Variants in SFMBT2 observed in about 807,000 individuals in gnomAD.
The protein encoded by SFMBT2 is scm-like with four MBT domains protein 2.
Under a neutral mutation model 110.1 loss-of-function variants are expected in SFMBT2, and 38 were observed. The observed-to-expected ratio is 0.35, with a 90% CI of 0.27 to 0.45. The LOEUF is 0.45. Ranked by LOEUF, SFMBT2 falls within the 20% of genes least tolerant of loss-of-function variation. The pLI, the probability that SFMBT2 is intolerant of heterozygous loss-of-function variation, is 1.00. For synonymous variants in SFMBT2, 425 were observed against 425.4 expected, an observed-to-expected ratio of 1.00 and a Z score of 0.01; for missense variants, 1,011 against 1,094.9, an observed-to-expected ratio of 0.92 and a Z score of 1.08.
intron 13 of SFMBT2, 103 bp downstream of exon 13, chr10:7,202,377 T>G: frequency 2.1e-6 from 3 of 1,426,930 alleles, no homozygotes; most frequent in East Asian, 4.6e-5. Flanking sequence ...AGGGTGCTAT[T>G]TGTTAGATAA....
intron 1 of SFMBT2, among the ~76,000 whole-genome samples, chr10:7,407,794 G>A (rs1846258625): frequency 6.6e-6 from 1 of 152,178 alleles, no homozygotes; most frequent in Admixed American, 6.5e-5. Flanking sequence ...CACCACAAAC[G>A]CCATCAACCA....
chr10:7,342,357 G>A (rs536425356), intron 4 of SFMBT2, among the ~76,000 whole-genome samples: 9 of 150,120 alleles, frequency 6.0e-5, no homozygotes, highest in African/African-American at 9.8e-5. Context: ...TAGAAGGGAC[G>A]GAGAGCCTAC....
intron 16 of SFMBT2, among the ~76,000 whole-genome samples, chr10:7,186,116 C>A (rs1838394386): frequency 6.6e-6 from 1 of 152,138 alleles, no homozygotes; most frequent in African/African-American, 2.4e-5. Context: ...GGGGAAAAAT[C>A]ACCCAGAGAC....
At chr10:7,247,369 A>G (rs950133749) in intron 8 of SFMBT2, among the ~76,000 whole-genome samples, 4 of 152,188 alleles carry the variant, frequency 2.6e-5, no homozygotes, top group African/African-American at 7.2e-5. Flanking sequence ...ATCCCACCTC[A>G]GCCTCCCAAA....
chr10:7,343,211 C>T (rs896537619), intron 4 of SFMBT2, among the ~76,000 whole-genome samples: 1 of 151,064 alleles, frequency 6.6e-6, no homozygotes, highest in Non-Finnish European at 1.5e-5. Flanking sequence ...CTGCAAAGGA[C>T]ATGATCTTGC....
At chr10:7,400,831 T>A (rs544720601) in intron 1 of SFMBT2, among the ~76,000 whole-genome samples, 83 of 152,146 alleles carry the variant, frequency 5.5e-4, no homozygotes, top group African/African-American at 1.9e-3. Flanking sequence ...AGAGCAAACA[T>A]CTCAAAAAGC....
chr10:7,319,187 G>C (rs958281091), intron 4 of SFMBT2, among the ~76,000 whole-genome samples: 5 of 152,208 alleles, frequency 3.3e-5, no homozygotes, highest in Non-Finnish European at 5.9e-5. Flanking sequence ...AAGTCCGCTG[G>C]CAAGGAAGTC....
At chr10:7,332,536 TAAC>T (rs1843592337) in intron 4 of SFMBT2, among the ~76,000 whole-genome samples, 2 of 152,218 alleles carry the variant, frequency 1.3e-5, no homozygotes, top group African/African-American at 4.8e-5. Context: ...GCTTGTAAAA[TAAC>T]AAATGTTTGA....
intron 16 of SFMBT2, among the ~76,000 whole-genome samples, chr10:7,177,797 G>A (rs1838118441): frequency 6.6e-6 from 1 of 151,928 alleles, no homozygotes; most frequent in Admixed American, 6.6e-5. Flanking sequence ...GGTCAAGGCT[G>A]CAATAAGCTA....
At chr10:7,250,088 T>C (rs868294593) in intron 7 of SFMBT2, among the ~76,000 whole-genome samples, 3 of 152,232 alleles carry the variant, frequency 2.0e-5, no homozygotes, top group Admixed American at 1.3e-4. Flanking sequence ...ATGATGTGCA[T>C]TGTTTATGTT....
chr10:7,335,830 G>C (rs1268789439), intron 4 of SFMBT2, among the ~76,000 whole-genome samples: 1 of 152,124 alleles, frequency 6.6e-6, no homozygotes, highest in Admixed American at 6.6e-5. Flanking sequence ...CTGGCCAAGC[G>C]TTCTCACAAT....
intron 1 of SFMBT2, among the ~76,000 whole-genome samples, chr10:7,393,422 C>T (rs1049176495): frequency 1.3e-5 from 2 of 152,116 alleles, no homozygotes; most frequent in Admixed American, 6.5e-5. Context: ...ACTCTGCATA[C>T]TGTTCACATA....
At chr10:7,382,434 A>T (rs968067616) in intron 1 of SFMBT2, among the ~76,000 whole-genome samples, 1 of 152,176 alleles carries the variant, frequency 6.6e-6, no homozygotes, top group Non-Finnish European at 1.5e-5. Flanking sequence ...TTAATTAGTT[A>T]AAAAGACTAA....
rs748644225 is a variant in SFMBT2 at position 7,186,459 on chromosome 10, C to CACACACACACATAT, written c.1808+2164_1808+2165insATATGTGTGTGTGT. Among the ~76,000 whole-genome samples, 216 of 126,880 alleles carry CACACACACACATAT rather than the reference C, an allele frequency of 1.7e-3. 2 individuals are homozygous for CACACACACACATAT. The highest frequency in any genetic ancestry group is 6.7e-3 in the African/African-American group (207 of 30,830). The allele number at this position is 126,880 out of a possible 152,430, so 83.2% of individuals were successfully genotyped here. On this transcript the variant is annotated intron_variant, in intron 16 of 20. Transcript: ENST00000397167. ...ACACACACACACACACACACACACA[C>CACACACACACATAT]ATATATATATATATAAAAATATTTT...
rs1228709109 is a variant in SFMBT2 at position 7,170,085 on chromosome 10, A to T, written c.2544+843T>A. Among the ~76,000 whole-genome samples the T allele has an allele frequency of 6.6e-6, 1 of 152,140 alleles. No homozygotes were observed. ...CCTCCTTCTCCCACTAGGCCTAAGT[A>T]AGATCCATGGGCATTATATACAAAT... is the stretch of plus-strand genomic sequence containing the variant. On this transcript the variant is annotated intron_variant, in intron 20 of 20. Transcript: ENST00000397167. The surrounding 1 kb of genome is among the most constrained non-coding windows in gnomAD (Gnocchi z 4.6).
At chr10:7,322,899 C>T (rs189202745) in intron 4 of SFMBT2, among the ~76,000 whole-genome samples, 2 of 152,318 alleles carry the variant, frequency 1.3e-5, no homozygotes, top group East Asian at 3.9e-4. Context: ...TGGAAAATGA[C>T]TGTCTCATTA....
At chr10:7,376,910 G>A (rs1476202066) in intron 2 of SFMBT2, among the ~76,000 whole-genome samples, 2 of 146,828 alleles carry the variant, frequency 1.4e-5, no homozygotes, top group Non-Finnish European at 3.0e-5. Context: ...GGTGGCTCAC[G>A]CCTGTAATCC....
chr10:7,279,525 G>A (rs1841889033), intron 6 of SFMBT2, among the ~76,000 whole-genome samples: 1 of 152,210 alleles, frequency 6.6e-6, no homozygotes, highest in South Asian at 2.1e-4. Flanking sequence ...GTGAGATGGA[G>A]TCATGCTGGT....
At chr10:7,309,979 T>A (rs960146039) in intron 4 of SFMBT2, among the ~76,000 whole-genome samples, 13 of 152,184 alleles carry the variant, frequency 8.5e-5, no homozygotes, top group Non-Finnish European at 1.9e-4. Context: ...CTCTGTGTTG[T>A]AGGGGACAGC....
Sources: gnomAD v4.1 joint callset for allele counts (sites outside exome capture counted in the v4.1 genomes callset) on GRCh38, gnomAD v4.1.1 for gene constraint, Gnocchi (gnomAD v3.1) non-coding constraint, MANE v1.5 for transcripts, NCBI Gene and HGNC (gene_info 2026-07-23, HGNC 2026-07-21) for gene names.